ATXN1: variants seen among roughly 807,000 people sequenced by gnomAD.
The protein encoded by ATXN1 is ataxin-1.
A neutral mutation model predicts 56.4 loss-of-function variants in ATXN1; 8 were observed. The ratio of observed to expected loss-of-function variants is 0.14; its 90% confidence interval spans 0.08 to 0.26. The LOEUF (loss-of-function observed/expected upper bound fraction) is 0.26. Among genes scored for constraint, ATXN1 ranks in the 10% least tolerant of loss-of-function variants. The probability of loss-of-function intolerance (pLI) is 1.00; values close to 1 mark genes in which losing one functional copy is unlikely to be tolerated. For missense variants in ATXN1, 987 were observed against 1,106.5 expected, an observed-to-expected ratio of 0.89 and a Z score of 1.53; for synonymous variants, 514 against 494.6, an observed-to-expected ratio of 1.04 and a Z score of -0.52.
At chr6:16,682,210 T>TTTTTTTTTTTTC (rs1758828539) in intron 2 of ATXN1, among the ~76,000 whole-genome samples, 1 of 145,698 alleles carries the variant, frequency 6.9e-6, no homozygotes, top group African/African-American at 2.6e-5. Context: ...GAACTTTTTT[T>TTTTTTTTTTTTC]TTTTGAGATG....
At chr6:16,648,115 A>T (rs1763833539) in intron 3 of ATXN1, among the ~76,000 whole-genome samples, 1 of 152,152 alleles carries the variant, frequency 6.6e-6, no homozygotes, top group Admixed American at 6.5e-5. Flanking sequence ...GGGATCCATC[A>T]AGGTACTCTG....
At chr6:16,310,612 A>C (rs1442018675) in intron 7 of ATXN1, among the ~76,000 whole-genome samples, 2 of 152,256 alleles carry the variant, frequency 1.3e-5, no homozygotes, top group Non-Finnish European at 2.9e-5. Flanking sequence ...ACTCCCAAGT[A>C]GCTGGGACTA....
chr6:16,370,950 TAA>T (rs1271867439), intron 6 of ATXN1, among the ~76,000 whole-genome samples: 7 of 152,152 alleles, frequency 4.6e-5, no homozygotes, highest in African/African-American at 1.7e-4. Context: ...AATTGAGTCT[TAA>T]AGAGCTGAAA....
At chr6:16,703,688 G>A (rs550579108) in intron 2 of ATXN1, among the ~76,000 whole-genome samples, 1 of 152,290 alleles carries the variant, frequency 6.6e-6, no homozygotes, top group East Asian at 1.9e-4. Flanking sequence ...TACATCTATG[G>A]TGAATGTACT....
At chr6:16,661,297 CAT>C (rs1365144681) in intron 2 of ATXN1, among the ~76,000 whole-genome samples, 4 of 151,764 alleles carry the variant, frequency 2.6e-5, no homozygotes, top group African/African-American at 9.7e-5. Context: ...ATTTATTATA[CAT>C]ATATATTATT....
Position 16,306,658 on chromosome 6 carries a change from G to A in ATXN1, c.2119C>T (p.Leu707=). The A allele has an allele frequency of 6.2e-7, 1 of 1,614,230 alleles. No homozygotes were observed. Among genetic ancestry groups the A allele is most frequent in the Non-Finnish European group, 8.5e-7 (1 of 1,180,044 alleles). Residue 707 remains leucine (L), a synonymous_variant, in exon 8 of 8, where the codon CTG becomes TTG. Coordinates refer to ENST00000436367, the MANE Select transcript of ATXN1 (RefSeq NM_001128164.2). This position sits in a 1 kb window ranked among gnomAD's most constrained non-coding sequence, Gnocchi z 5.2. ...KGQPVDPASV[L]LKHSKADGLA... ...CCGTCGGCCTTTGAGTGCTTCAGCA[G>A]GACGCTGGCGGGATCCACGGGCTGG...
intron 6 of ATXN1, among the ~76,000 whole-genome samples, chr6:16,353,543 T>C (rs923197228): frequency 6.6e-6 from 1 of 152,044 alleles, no homozygotes; most frequent in Non-Finnish European, 1.5e-5. Flanking sequence ...GCATGGTGGC[T>C]TGTGCCTGTA....
rs1056506178 is a variant in ATXN1, at chr6:16,594,121, A to AAT, written c.-488-8216_-488-8215dup. ...GAAGCTAATATATATTAGTCTAATT[A>AAT]ATATATATATTAGTCTAATTGTCAT... On this transcript the variant is annotated intron_variant, in intron 3 of 7. Transcript: ENST00000436367. 3.4e-5 allele frequency among the ~76,000 whole-genome samples: 5 copies of AAT among 147,230 alleles called. No individual in the cohort carries two copies. In the Admixed American group the frequency reaches 3.5e-4, roughly 10 times the overall value.
At position 16,714,181 on chromosome 6, in the gene ATXN1, CCACACACACACACA is replaced by C. The variant is rs70999343; in HGVS notation, c.-615+39038_-615+39051del. Among the ~76,000 whole-genome samples the C allele has an allele frequency of 3.4e-3, 471 of 137,632 alleles. 8 individuals carry two copies. The highest frequency in any genetic ancestry group is 4.0e-3 in the Non-Finnish European group (255 of 64,478). 90.3% of individuals were successfully genotyped at this position (137,632 alleles called of 152,430 possible). A position where few individuals can be genotyped will look rare whatever the true frequency, so the allele number is the denominator to read the frequency against. On this transcript the variant is annotated intron_variant, in intron 2 of 7. Coordinates refer to ENST00000436367, the MANE Select transcript of ATXN1 (RefSeq NM_001128164.2). The stretch of plus-strand genomic sequence containing the variant: ...AAAGAAAGAAAAAAAAAACCACACA[CCACACACACACACA>C]CACACACACACACACACACACACAC...
At chr6:16,670,968 C>A (rs1399446062) in intron 2 of ATXN1, among the ~76,000 whole-genome samples, 1 of 152,172 alleles carries the variant, frequency 6.6e-6, no homozygotes, top group Non-Finnish European at 1.5e-5. Context: ...ACAAACCATC[C>A]TCATTACAGT....
intron 2 of ATXN1, among the ~76,000 whole-genome samples, chr6:16,731,807 A>G (rs1009699173): frequency 2.0e-5 from 3 of 151,734 alleles, no homozygotes; most frequent in Admixed American, 2.0e-4. Context: ...CTCTGTGGTC[A>G]AAGAATCTGT....
intron 2 of ATXN1, among the ~76,000 whole-genome samples, chr6:16,670,619 A>G (rs917322372): frequency 1.3e-5 from 2 of 152,196 alleles, no homozygotes; most frequent in Non-Finnish European, 2.9e-5. Flanking sequence ...TTAGAACTCA[A>G]TTTGACTTTT....
chr6:16,331,281 G>A (rs939239201), intron 6 of ATXN1, among the ~76,000 whole-genome samples: 7 of 152,214 alleles, frequency 4.6e-5, no homozygotes, highest in African/African-American at 1.2e-4. Context: ...GATTACAGGC[G>A]TGAGCCACTG....
At chr6:16,441,567 G>A (rs767752409) in intron 6 of ATXN1, among the ~76,000 whole-genome samples, 2 of 150,946 alleles carry the variant, frequency 1.3e-5, no homozygotes, top group Non-Finnish European at 3.0e-5. Flanking sequence ...TATTTCAAAA[G>A]AGCTAAAAGA....
At chr6:16,551,133 T>C (rs535822721) in intron 4 of ATXN1, among the ~76,000 whole-genome samples, 8 of 152,184 alleles carry the variant, frequency 5.3e-5, no homozygotes, top group Admixed American at 3.9e-4. Context: ...AAATCTTGGA[T>C]AAGTTCCTAC....
chr6:16,509,739 G>A (rs143476055), intron 5 of ATXN1, among the ~76,000 whole-genome samples: 58 of 152,130 alleles, frequency 3.8e-4, no homozygotes, highest in African/African-American at 1.3e-3. Flanking sequence ...CTTCTTTCTC[G>A]TTTCAAAATC....
chr6:16,744,964 T>C (rs565435780), intron 2 of ATXN1, among the ~76,000 whole-genome samples: 1 of 152,266 alleles, frequency 6.6e-6, no homozygotes, highest in Admixed American at 6.5e-5. Context: ...CTAGAACATA[T>C]AAAGAGCTCA....
chr6:16,479,614 T>C (rs1048698193), intron 6 of ATXN1, among the ~76,000 whole-genome samples: 12 of 152,242 alleles, frequency 7.9e-5, no homozygotes, highest in African/African-American at 2.9e-4. Context: ...AACCAATAGA[T>C]TTTGTTTGGG....
chr6:16,338,018 A>G (rs1761162253), intron 6 of ATXN1, among the ~76,000 whole-genome samples: 1 of 152,200 alleles, frequency 6.6e-6, no homozygotes, highest in Non-Finnish European at 1.5e-5. Flanking sequence ...TGTCCTATTT[A>G]GAATATCAAG....
Sources: allele counts gnomAD v4.1 joint callset (sites outside exome capture counted in the v4.1 genomes callset), GRCh38; gene constraint gnomAD v4.1.1; non-coding constraint Gnocchi (gnomAD v3.1); transcripts MANE v1.5; gene names NCBI Gene and HGNC (gene_info 2026-07-23, HGNC 2026-07-21).